Variants in ERCC2 observed in about 807,000 individuals in gnomAD.
ERCC2 encodes the protein general transcription and DNA repair factor IIH helicase subunit XPD.
Under a neutral mutation model 99.4 loss-of-function variants are expected in ERCC2, and 90 were observed. The observed-to-expected ratio is 0.91, with a 90% confidence interval of 0.76 to 1.08. The LOEUF (loss-of-function observed/expected upper bound fraction) is 1.08, where lower values mean the gene tolerates loss of function less well. Among genes scored for constraint, ERCC2 ranks in the 50% least tolerant of loss-of-function variants. The pLI is 0.00. For synonymous variants in ERCC2, 497 were observed against 432.4 expected, an observed-to-expected ratio of 1.15 and a Z score of -1.85; for missense variants, 993 against 1,038.1, an observed-to-expected ratio of 0.96 and a Z score of 0.60.
In ERCC2 at chr19:45,364,558, G is replaced by A. The variant is rs764858598; in HGVS notation, c.595-11C>T. ...ATTGGCATGCAGGATCTGGGGGGCCGGGGAGCAGGGTTACCAGGGCCCTGC... is the reference window on the plus strand; with the variant it reads ...ATTGGCATGCAGGATCTGGGGGGCCAGGGAGCAGGGTTACCAGGGCCCTGC... On this transcript the variant is annotated splice_polypyrimidine_tract_variant and intron_variant, in intron 7 of 22. Coordinates refer to ENST00000391945, the MANE Select transcript of ERCC2 (RefSeq NM_000400.4). 3.8e-5 allele frequency: 62 copies of A among 1,611,856 alleles called. No individual in the cohort carries two copies. The highest frequency in any genetic ancestry group is 2.6e-4 in the South Asian group (24 of 91,004).
Position 45,354,940 on chromosome 19 carries a change from G to A in ERCC2, c.1544-89C>T, listed in dbSNP as rs1032767970. 9 of 1,558,152 alleles carry A rather than the reference G, an allele frequency of 5.8e-6. No individual in the cohort carries two copies. The African/African-American group carries it at 1.2e-4, about 21-fold the overall frequency. On this transcript the variant is annotated intron_variant, in intron 16 of 22. Transcript: ENST00000391945. The stretch of plus-strand genomic sequence containing the variant: ...ACTAGGAGTTTCTGGAAACCCCACT[G>A]AGGCTGCCTGTCAGGCTTTTCACAC...
At chr19:45,368,326 G>C (rs1972497314) in intron 5 of ERCC2, among the ~76,000 whole-genome samples, 1 of 152,184 alleles carries the variant, frequency 6.6e-6, no homozygotes, top group Non-Finnish European at 1.5e-5. Context: ...CCAGGTGGCA[G>C]AAAATGCCTC....
intron 19 of ERCC2, 73 bp downstream of exon 19, chr19:45,353,010 A>G (rs1971873011): frequency 6.7e-7 from 1 of 1,502,300 alleles, no homozygotes; most frequent in East Asian, 2.3e-5. Context: ...CCGCGGGAGC[A>G]GACAGCAGAG....
rs1026749883 is a variant in ERCC2, at chr19:45,351,182, G to A, written c.*447C>T. On this transcript the variant is annotated 3_prime_UTR_variant, in exon 23 of 23. Coordinates refer to ENST00000391945, the MANE Select transcript of ERCC2 (RefSeq NM_000400.4). Reference sequence around the variant, plus strand: ...GATGGGTTTTACTTGGGGTAGAGGCGAGGGGGTTGGATAGTTGGCTGCCAG... The same window carrying A: ...GATGGGTTTTACTTGGGGTAGAGGCAAGGGGGTTGGATAGTTGGCTGCCAG... 1.6e-5 allele frequency: 26 copies of A among 1,585,170 alleles called. No homozygotes were observed. Among genetic ancestry groups the A allele is most frequent in the Admixed American group, 5.1e-5 (3 of 58,382 alleles).
At chr19:45,358,695 GC>G in intron 12 of ERCC2, 5 of 666,416 alleles carry the variant, frequency 7.5e-6, no homozygotes, top group South Asian at 1.6e-5. Flanking sequence ...TCAAAAGTCA[GC>G]CCCTCCGAGA....
In ERCC2 at chr19:45,364,609, G is replaced by A. The variant is rs1972359340; in HGVS notation, c.595-62C>T. The A allele has an allele frequency of 3.7e-6, 6 of 1,600,564 alleles. No homozygotes were observed. The South Asian group carries it at 5.6e-5, about 15-fold the overall frequency. On this transcript the variant is annotated intron_variant, in intron 7 of 22. Coordinates refer to ENST00000391945, the MANE Select transcript of ERCC2 (RefSeq NM_000400.4). The stretch of plus-strand genomic sequence containing the variant: ...CACCCCAACCCCTACCCCTACCCCT[G>A]GCCACACTGGCCCGTCACTCCCACA...
Position 45,349,849 on chromosome 19 carries a change from A to C in ERCC2, c.*1780T>G, listed in dbSNP as rs568340146. On this transcript the variant is annotated 3_prime_UTR_variant, in exon 23 of 23. Transcript: ENST00000391945. Reference sequence around the variant, plus strand: ...TGGCAGGCACAGGTGGCAGCAGCAGACATTTATTGAGCTCACTGTGGCCGG... The same window carrying C: ...TGGCAGGCACAGGTGGCAGCAGCAGCCATTTATTGAGCTCACTGTGGCCGG... 58 of 520,594 alleles carry C rather than the reference A, an allele frequency of 1.1e-4. No individual in the cohort carries two copies. The Middle Eastern group carries it at 1.5e-3, about 13-fold the overall frequency. The allele number at this position is 520,594 out of a possible 1,614,324, so 32.2% of individuals were successfully genotyped here.
Position 45,365,087 on chromosome 19 carries a change from C to T in ERCC2, c.432G>A (p.Ala144=), listed in dbSNP as rs372504564. Residue 144 remains alanine (A), a synonymous_variant, in exon 6 of 23, where the codon GCG becomes GCA. Coordinates refer to ENST00000391945, the MANE Select transcript of ERCC2 (RefSeq NM_000400.4). ...CHSLTASYVR[A]QYQHDTSLPH... ...GCAGGCTGGTGTCATGCTGGTACTG[C>T]GCCCGCACATAGGAGGCTGTGAGGC... 7 of 1,614,030 alleles carry T rather than the reference C, an allele frequency of 4.3e-6. No individual in the cohort carries two copies. Among genetic ancestry groups the T allele is most frequent in the East Asian group, 4.5e-5 (2 of 44,896 alleles).
At position 45,351,369 on chromosome 19, in the gene ERCC2, C is replaced by T; in HGVS notation, c.*260G>A. 2.5e-6 allele frequency: 4 copies of T among 1,609,248 alleles called. No individual in the cohort carries two copies. Among genetic ancestry groups the T allele is most frequent in the Non-Finnish European group, 3.4e-6 (4 of 1,179,956 alleles). ...TGAGCCCCCACTAACGTCCAGTGAACTGCGCTGGCCGCAGCTTCTTGGGAA... is the reference window on the plus strand; with the variant it reads ...TGAGCCCCCACTAACGTCCAGTGAATTGCGCTGGCCGCAGCTTCTTGGGAA... On this transcript the variant is annotated 3_prime_UTR_variant, in exon 23 of 23. Transcript: ENST00000391945.
chr19:45,363,688 TCTGCATAAC>T, intron 11 of ERCC2, 46 bp downstream of exon 11: 2 of 1,504,832 alleles, frequency 1.3e-6, no homozygotes, highest in Non-Finnish European at 8.9e-7. Flanking sequence ...AGGACACGGC[TCTGCATAAC>T]CGGGACCTGC....
chr19:45,358,410 C>A (rs772289457), intron 12 of ERCC2: 1 of 211,068 alleles, frequency 4.7e-6, no homozygotes, highest in South Asian at 7.9e-5. Flanking sequence ...CCCGACCCCA[C>A]GCGGGGCCAG....
chr19:45,368,804 T>A (rs1191823899), intron 4 of ERCC2, 61 bp from the exon 5 acceptor site: 1 of 1,554,176 alleles, frequency 6.4e-7, no homozygotes, highest in African/African-American at 1.4e-5. Context: ...ACCCCTGCCC[T>A]GCCAGGTCCC....
chr19:45,360,187 TC>T (rs1372793612), intron 12 of ERCC2, among the ~76,000 whole-genome samples: 2 of 151,062 alleles, frequency 1.3e-5, no homozygotes, highest in Non-Finnish European at 2.9e-5. Flanking sequence ...TTCACGCCAT[TC>T]TCCTGCCTCA....
Position 45,351,543 on chromosome 19 carries a change from A to T in ERCC2, c.*86T>A. 6.2e-7 allele frequency: 1 copy of T among 1,605,300 alleles called. No homozygotes were observed. The highest frequency in any genetic ancestry group is 8.5e-7 in the Non-Finnish European group (1 of 1,179,522). On this transcript the variant is annotated 3_prime_UTR_variant, in exon 23 of 23. Coordinates refer to ENST00000391945, the MANE Select transcript of ERCC2 (RefSeq NM_000400.4). ...GAGAAATGTCACCTGACTTCATAAG[A>T]CCTTCTAGCACCACCGCCGCTGGGA...
chr19:45,352,275 CAGGTTG>C lies in ERCC2; in HGVS notation c.2118_2123del (p.Asn707_Leu708del). 6 of 1,614,130 alleles carry C rather than the reference CAGGTTG, an allele frequency of 3.7e-6. No homozygotes were observed. Among genetic ancestry groups the C allele is most frequent in the Non-Finnish European group, 5.1e-6 (6 of 1,180,018 alleles). On this transcript the variant is annotated inframe_deletion, in exon 22 of 23. Transcript: ENST00000391945. ...CCACCTGGACACCCTCGTCCACGGT[CAGGTTG>C]AGGTTGGCATCTGTGAGGTGCTCCT... is the stretch of plus-strand genomic sequence containing the variant.
At position 45,352,538 on chromosome 19, in the gene ERCC2, T is replaced by TCTTGCCCCTGA; in HGVS notation, c.2003_2013dup (p.Thr672SerfsTer41). On this transcript the variant is annotated frameshift_variant, in exon 21 of 23. Transcript: ENST00000391945. LOFTEE classifies it high-confidence loss of function. Reference sequence around the variant, plus strand: ...GCAAAGACCATGAGGCCGTAGTCCGTCTTGCCCCTGATGGCCCGACCCACA... The same window carrying TCTTGCCCCTGA: ...GCAAAGACCATGAGGCCGTAGTCCGTCTTGCCCCTGACTTGCCCCTGATGGCCCGACCCACA... The TCTTGCCCCTGA allele has an allele frequency of 6.2e-7, 1 of 1,614,132 alleles. No individual in the cohort carries two copies. Among genetic ancestry groups the TCTTGCCCCTGA allele is most frequent in the Non-Finnish European group, 8.5e-7 (1 of 1,180,020 alleles).
At chr19:45,360,150 G>A (rs959823309) in intron 12 of ERCC2, among the ~76,000 whole-genome samples, 3 of 150,012 alleles carry the variant, frequency 2.0e-5, no homozygotes, top group East Asian at 1.9e-4. Flanking sequence ...GCACGATCTC[G>A]GCTCACTGCA....
intron 5 of ERCC2, among the ~76,000 whole-genome samples, chr19:45,367,519 A>T (rs376109132): frequency 1.4e-5 from 2 of 144,438 alleles, no homozygotes; most frequent in African/African-American, 2.6e-5. Context: ...AGTGAGTACA[A>T]TTTTTTTTTT....
rs1233528787 is a variant in ERCC2 at position 45,350,688 on chromosome 19, G to A, written c.*941C>T. 1 of 1,613,756 alleles carries A rather than the reference G, an allele frequency of 6.2e-7. No individual in the cohort carries two copies. Among genetic ancestry groups the A allele is most frequent in the African/African-American group, 1.3e-5 (1 of 74,912 alleles). On this transcript the variant is annotated 3_prime_UTR_variant, in exon 23 of 23. Transcript: ENST00000391945. ...TCTCCAAGATCCGTGAGTCTATCAG[G>A]CGAGGAAGTGAGAAGCTGGTCTCCC... is the stretch of plus-strand genomic sequence containing the variant.
Sources: allele counts gnomAD v4.1 joint callset (sites outside exome capture counted in the v4.1 genomes callset), GRCh38; gene constraint gnomAD v4.1.1; transcripts MANE v1.5; gene names NCBI Gene and HGNC (gene_info 2026-07-23, HGNC 2026-07-21).